The following OR10G3 variants were observed in gnomAD, a reference collection of about 807,000 sequenced individuals.
OR10G3 encodes olfactory receptor 10G3.
OR10G3 carries 8 observed loss-of-function variants against 13.4 expected under a neutral mutation model. The ratio of observed to expected loss-of-function variants is 0.60; its 90% CI spans 0.35 to 1.08. The LOEUF is 1.08. Among genes scored for constraint, OR10G3 ranks in the 50% least tolerant of loss-of-function variants. The pLI, the probability that OR10G3 is intolerant of heterozygous loss-of-function variation, is 0.02. For synonymous variants in OR10G3, 142 were observed against 156.1 expected (o/e 0.91, Z 0.67); for missense variants, 393 against 386.6 (o/e 1.02, Z -0.14).
At position 21,570,290 on chromosome 14, in the gene OR10G3, G is replaced by C; in HGVS notation, c.455C>G (p.Ala152Gly). Residue 152 changes from alanine to glycine, a missense_variant, in exon 2 of 2, where the codon GCA becomes GGA. Coordinates refer to ENST00000641040, the MANE Select transcript of OR10G3 (RefSeq NM_001005465.2). ...SALLVAGAWM[A>G]GSIHGALQAI... is the part of the protein sequence containing the mutation. ...CTGGAGAGCCCCATGGATGGATCCT[G>C]CCATCCAGGCTCCAGCCACAAGCAA... 1 of 1,614,208 alleles carries C rather than the reference G, an allele frequency of 6.2e-7. No individual in the cohort carries two copies.
At chr14:21,578,443 A>G (rs1484038738) in intron 1 of OR10G3, among the ~76,000 whole-genome samples, 2 of 152,086 alleles carry the variant, frequency 1.3e-5, no homozygotes, top group Admixed American at 1.3e-4. Flanking sequence ...AATAAACAAA[A>G]TAAAATAAAG....
rs763088704 is a variant in OR10G3, at chr14:21,569,959, C to G, written c.786G>C (p.Arg262Ser). The change falls in exon 2 of 2, where the codon AGG becomes AGC. Residue 262 changes from arginine (R) to serine (S), a missense_variant. Physicochemically the swap from Arg to Ser is moderately radical, Grantham distance 110. Transcript: ENST00000641040. ...CATCCAGGGGGCTGTTGGTTTCAGG[C>G]CTCAGGTAGATGAAGGCACAGGGCA... ...YYVPCAFIYL[R>S]PETNSPLDGA... is the part of the protein sequence containing the mutation. 1 of 1,612,468 alleles carries G rather than the reference C, an allele frequency of 6.2e-7. No homozygotes were observed. The highest frequency in any genetic ancestry group is 8.5e-7 in the Non-Finnish European group (1 of 1,178,992).
chr14:21,573,665 C>A (rs556542938), intron 1 of OR10G3, among the ~76,000 whole-genome samples: 248 of 142,076 alleles, frequency 1.7e-3, no homozygotes, highest in Non-Finnish European at 2.7e-3. Context: ...GAGCAAGACT[C>A]TGTCTCAAAA....
At position 21,570,325 on chromosome 14, in the gene OR10G3, C is replaced by A. The variant is rs751576114; in HGVS notation, c.420G>T (p.Lys140Asn). The change falls in exon 2 of 2, where the codon AAG becomes AAT. Residue 140 changes from lysine (K) to asparagine (N), a missense_variant. Transcript: ENST00000641040. ...CTCCAGCCACAAGCAAGGCGCTCAG[C>A]TTAGCAGTCATGAGCACAGGGTAGC... ...PLRYPVLMTA[K>N]LSALLVAGAW... 1 of 1,614,090 alleles carries A rather than the reference C, an allele frequency of 6.2e-7. No homozygotes were observed.
chr14:21,575,776 TA>T (rs145057441), intron 1 of OR10G3, among the ~76,000 whole-genome samples: 1 of 151,884 alleles, frequency 6.6e-6, no homozygotes, highest in Non-Finnish European at 1.5e-5. Context: ...TTATGAAACT[TA>T]AAAAAAAGGC....
chr14:21,578,346 G>A (rs1450971999), intron 1 of OR10G3, among the ~76,000 whole-genome samples: 1 of 152,072 alleles, frequency 6.6e-6, no homozygotes, highest in Non-Finnish European at 1.5e-5. Context: ...GGAAGGCAGA[G>A]GTTGCAGTGA....
intron 1 of OR10G3, among the ~76,000 whole-genome samples, chr14:21,573,252 T>A (rs1362447442): frequency 6.6e-6 from 1 of 152,044 alleles, no homozygotes; most frequent in Non-Finnish European, 1.5e-5. Context: ...AAAGACAATA[T>A]TGCATGATCT....
Position 21,569,663 on chromosome 14 carries a change from T to G in OR10G3, c.*140A>C. 5.8e-6 allele frequency: 4 copies of G among 695,014 alleles called. No individual in the cohort carries two copies. The highest frequency in any genetic ancestry group is 6.1e-5 in the Admixed American group (2 of 32,974). The allele number at this position is 695,014 out of a possible 1,614,324, so 43.1% of individuals were successfully genotyped here. On this transcript the variant is annotated 3_prime_UTR_variant, in exon 2 of 2. Transcript: ENST00000641040. ...CTAAGGAACTGTTAGAAAGTTAGTA[T>G]TTTACCTTAAACTGTGTTTGATCAT...
rs117256816 is a variant in OR10G3 at position 21,576,622 on chromosome 14, A to T, written c.-18+3164T>A. On this transcript the variant is annotated intron_variant, in intron 1 of 1. Transcript: ENST00000641040. ...TGTTATTTCCATTGGCTCTTTTTCA[A>T]CATTTTTCTAACTTTTTAGAGTTCC... Among the ~76,000 whole-genome samples the T allele has an allele frequency of 8.5e-4, 130 of 152,176 alleles. 1 individual carries two copies. In the East Asian group the frequency reaches 0.023, roughly 27 times the overall value.
Position 21,572,897 on chromosome 14 carries a change from C to T in OR10G3, c.-17-2136G>A, listed in dbSNP as rs1195058571. On this transcript the variant is annotated intron_variant, in intron 1 of 1. Transcript: ENST00000641040. Reference sequence around the variant, plus strand: ...CTTTTTCTGTGTGTGTGCAAGACTGCTTTGGCTATTTGGTATCTTTTTGTT... The same window carrying T: ...CTTTTTCTGTGTGTGTGCAAGACTGTTTTGGCTATTTGGTATCTTTTTGTT... Among the ~76,000 whole-genome samples the T allele has an allele frequency of 2.6e-5, 4 of 152,128 alleles. No homozygotes were observed. The East Asian group carries it at 7.7e-4, about 29-fold the overall frequency.
rs1348619392 is a variant in OR10G3, at chr14:21,570,084, G to A, written c.661C>T (p.Gln221Ter). 2 of 1,614,204 alleles carry A rather than the reference G, an allele frequency of 1.2e-6. No homozygotes were observed. The highest frequency in any genetic ancestry group is 1.7e-6 in the Non-Finnish European group (2 of 1,180,044). ...CFSLILLSYI[Q>*]IIQAILRIHT... ...ATTCTCAGGATGGCCTGAATGATCTGTATGTAGGAGAGGAGGATCAGGGAG... is the reference window on the plus strand; with the variant it reads ...ATTCTCAGGATGGCCTGAATGATCTATATGTAGGAGAGGAGGATCAGGGAG... The change falls in exon 2 of 2, where the codon CAG becomes TAG. Residue 221 changes from glutamine (Q) to a stop codon, truncating the protein, a stop_gained. Transcript: ENST00000641040. LOFTEE classifies it high-confidence loss of function.
rs1893035424 is a variant in OR10G3, at chr14:21,569,216, CAT to C, written c.*585_*586del. On this transcript the variant is annotated 3_prime_UTR_variant, in exon 2 of 2. Transcript: ENST00000641040. ...TAGGATGGTTCCAGCACAGGAGAAA[CAT>C]GTAGGCTGGGAGGCTAGGCCAGTCT... 6.5e-6 allele frequency: 1 copy of C among 152,692 alleles called. No individual in the cohort carries two copies. Among genetic ancestry groups the C allele is most frequent in the African/African-American group, 2.4e-5 (1 of 41,354 alleles). The allele number at this position is 152,692 out of a possible 1,614,324, so 9.5% of individuals were successfully genotyped here.
At chr14:21,578,249 A>G (rs1223638178) in intron 1 of OR10G3, among the ~76,000 whole-genome samples, 3 of 151,424 alleles carry the variant, frequency 2.0e-5, no homozygotes, top group African/African-American at 7.3e-5. Flanking sequence ...CGTCTCTACT[A>G]AAAATACAAA....
chr14:21,579,548 T>C (rs1038165705), intron 1 of OR10G3, among the ~76,000 whole-genome samples: 21 of 152,258 alleles, frequency 1.4e-4, no homozygotes, highest in Admixed American at 1.1e-3. Flanking sequence ...CTTGGCCTAT[T>C]AGCCACTATT....
chr14:21,576,275 T>C (rs556639602), intron 1 of OR10G3, among the ~76,000 whole-genome samples: 1 of 152,312 alleles, frequency 6.6e-6, no homozygotes, highest in African/African-American at 2.4e-5. Context: ...CAGTGGGAGA[T>C]CTTGCTCCCA....
chr14:21,579,636 A>C (rs1230236724), intron 1 of OR10G3, 150 bp downstream of exon 1: 1 of 152,244 alleles, frequency 6.6e-6, no homozygotes, highest in East Asian at 1.9e-4. Context: ...CAGAAAAAGA[A>C]CTATACTGAG....
Position 21,569,192 on chromosome 14 carries a change from A to C in OR10G3, c.*611T>G, listed in dbSNP as rs958144261. 1.5e-4 allele frequency: 23 copies of C among 152,480 alleles called. No individual in the cohort carries two copies. Among genetic ancestry groups the C allele is most frequent in the African/African-American group, 5.5e-4 (23 of 41,522 alleles). 9.4% of individuals were successfully genotyped at this position (152,480 alleles called of 1,614,324 possible). A position where few individuals can be genotyped will look rare whatever the true frequency, so the allele number is the denominator to read the frequency against. ...AACTTGGAGTTTTATGTTTGAGGGT[A>C]GGATGGTTCCAGCACAGGAGAAACA... On this transcript the variant is annotated 3_prime_UTR_variant, in exon 2 of 2. Coordinates refer to ENST00000641040, the MANE Select transcript of OR10G3 (RefSeq NM_001005465.2).
chr14:21,577,185 A>AAG (rs111838316), intron 1 of OR10G3, among the ~76,000 whole-genome samples: 8,627 of 146,796 alleles, frequency 0.059, 301 homozygotes, highest in East Asian at 0.15. Context: ...TCAAAAATAA[A>AAG]AGAGAGAGAG....
rs776135083 is a variant in OR10G3 at position 21,570,300 on chromosome 14, C to T, written c.445G>A (p.Ala149Thr). 58 of 1,614,074 alleles carry T rather than the reference C, an allele frequency of 3.6e-5. No individual in the cohort carries two copies. The highest frequency in any genetic ancestry group is 4.9e-5 in the Non-Finnish European group (58 of 1,180,036). Residue 149 changes from alanine (A) to threonine (T), a missense_variant, in exon 2 of 2, where the codon GCC becomes ACC. By Grantham distance (58) the Ala-to-Thr change is moderately conservative (BLOSUM62 0). Coordinates refer to ENST00000641040, the MANE Select transcript of OR10G3 (RefSeq NM_001005465.2). ...CCATGGATGGATCCTGCCATCCAGG[C>T]TCCAGCCACAAGCAAGGCGCTCAGC... ...AKLSALLVAG[A>T]WMAGSIHGAL...
Sources: allele counts gnomAD v4.1 joint callset (sites outside exome capture counted in the v4.1 genomes callset), GRCh38; gene constraint gnomAD v4.1.1; transcripts MANE v1.5; gene names NCBI Gene and HGNC (gene_info 2026-07-23, HGNC 2026-07-21).